Variants in HIBADH observed in about 807,000 individuals in gnomAD.
The protein encoded by HIBADH is 3-hydroxyisobutyrate dehydrogenase.
Under a neutral mutation model 36.1 loss-of-function variants are expected in HIBADH, and 25 were observed. That is an observed-to-expected ratio of 0.69 (90% CI 0.50 to 0.97). HIBADH has a LOEUF of 0.97. Ranked by LOEUF, HIBADH falls within the 50% of genes least tolerant of loss-of-function variation. The probability of loss-of-function intolerance (pLI) is 0.00; values close to 1 mark genes in which losing one functional copy is unlikely to be tolerated. For missense variants in HIBADH, 421 were observed against 418.0 expected (o/e 1.01, Z -0.06); for synonymous variants, 160 against 149.5 (o/e 1.07, Z -0.51).
intron 2 of HIBADH, chr7:27,647,799 G>A: frequency 3.3e-6 from 1 of 304,072 alleles, no homozygotes; most frequent in Non-Finnish European, 7.1e-6. Context: ...AAAAGCAGGA[G>A]AGAGTCACAA....
intron 2 of HIBADH, among the ~76,000 whole-genome samples, chr7:27,632,734 G>C (rs1785769008): frequency 6.6e-6 from 1 of 152,184 alleles, no homozygotes; most frequent in South Asian, 2.1e-4. Flanking sequence ...CCTGGGAACA[G>C]ACACACTTCT....
At chr7:27,556,658 G>C (rs1291135739) in intron 4 of HIBADH, among the ~76,000 whole-genome samples, 1 of 152,130 alleles carries the variant, frequency 6.6e-6, no homozygotes, top group Admixed American at 6.5e-5. Context: ...ATTTATTAAA[G>C]AATTCATTTC....
chr7:27,550,995 AACAC>A (rs1784309721), intron 4 of HIBADH, among the ~76,000 whole-genome samples: 1 of 149,820 alleles, frequency 6.7e-6, no homozygotes, highest in African/African-American at 2.4e-5. Flanking sequence ...CACCACACCA[AACAC>A]ACACATACAC....
intron 6 of HIBADH, among the ~76,000 whole-genome samples, chr7:27,532,729 T>C (rs1784020955): frequency 6.6e-6 from 1 of 152,208 alleles, no homozygotes; most frequent in Non-Finnish European, 1.5e-5. Context: ...TCATTCATTC[T>C]GTTCAACTGT....
At chr7:27,607,450 C>T (rs1785249062) in intron 4 of HIBADH, among the ~76,000 whole-genome samples, 1 of 151,872 alleles carries the variant, frequency 6.6e-6, no homozygotes, top group Non-Finnish European at 1.5e-5. Flanking sequence ...CGGAGGTTGC[C>T]GTGAGCTGAG....
intron 4 of HIBADH, among the ~76,000 whole-genome samples, chr7:27,593,079 A>G (rs894725556): frequency 1.1e-4 from 16 of 152,260 alleles, no homozygotes; most frequent in African/African-American, 3.9e-4. Context: ...CTATGGTTCA[A>G]TGTAACCCTG....
At chr7:27,578,507 G>A (rs974281464) in intron 4 of HIBADH, among the ~76,000 whole-genome samples, 1 of 152,050 alleles carries the variant, frequency 6.6e-6, no homozygotes, top group Non-Finnish European at 1.5e-5. Context: ...AGTAGAGACA[G>A]GGTTTCACCA....
At chr7:27,534,038 T>A (rs1454724825) in intron 6 of HIBADH, among the ~76,000 whole-genome samples, 1 of 152,212 alleles carries the variant, frequency 6.6e-6, no homozygotes, top group Non-Finnish European at 1.5e-5. Flanking sequence ...ATAAACAGAA[T>A]GAATTCATCG....
intron 4 of HIBADH, among the ~76,000 whole-genome samples, chr7:27,602,901 C>G (rs926270033): frequency 6.6e-6 from 1 of 152,030 alleles, no homozygotes; most frequent in Admixed American, 6.6e-5. Context: ...TCTCAACAAC[C>G]TCCATCCATC....
intron 4 of HIBADH, among the ~76,000 whole-genome samples, chr7:27,546,396 G>A (rs977916705): frequency 1.3e-5 from 2 of 152,140 alleles, no homozygotes; most frequent in African/African-American, 4.8e-5. Context: ...TGGGATTACA[G>A]GTATGAGCAC....
In HIBADH at chr7:27,629,364, C is replaced by G. The variant is rs746996518; in HGVS notation, c.484+7G>C. On this transcript the variant is annotated splice_region_variant and intron_variant, in intron 4 of 7. Transcript: ENST00000265395. ...ATAGGTTTGCATATATTTTAGCTAC[C>G]ACTTACCACCAGAAACAGGGGCATC... The G allele has an allele frequency of 6.2e-7, 1 of 1,607,922 alleles. No homozygotes were observed. The highest frequency in any genetic ancestry group is 8.5e-7 in the Non-Finnish European group (1 of 1,177,322).
chr7:27,605,341 T>C (rs552187613), intron 4 of HIBADH, among the ~76,000 whole-genome samples: 3 of 151,836 alleles, frequency 2.0e-5, no homozygotes, highest in Non-Finnish European at 4.4e-5. Flanking sequence ...TTTTAAGACA[T>C]GAACATGAAC....
At chr7:27,633,614 G>C (rs1003502572) in intron 2 of HIBADH, among the ~76,000 whole-genome samples, 5 of 151,968 alleles carry the variant, frequency 3.3e-5, no homozygotes, top group Non-Finnish European at 7.4e-5. Flanking sequence ...AGCTATGATC[G>C]CGCCACCATA....
intron 4 of HIBADH, among the ~76,000 whole-genome samples, chr7:27,562,217 T>C (rs535258581): frequency 6.6e-6 from 1 of 152,210 alleles, no homozygotes; most frequent in South Asian, 2.1e-4. Flanking sequence ...GGTTTGGAAA[T>C]AATATACTTT....
In HIBADH at chr7:27,535,755, CT is replaced by C. The variant is rs201314026; in HGVS notation, c.695+2585del. On this transcript the variant is annotated intron_variant, in intron 6 of 7. Transcript: ENST00000265395. Reference sequence around the variant, plus strand: ...TGTATACCATATTTTTTACTCTTTACTTTTTTTTTTTAACAACATTTAAAAA... The same window carrying C: ...TGTATACCATATTTTTTACTCTTTACTTTTTTTTTTAACAACATTTAAAAA... 1.6e-3 allele frequency among the ~76,000 whole-genome samples: 235 copies of C among 145,304 alleles called. 2 individuals are homozygous for C. Among genetic ancestry groups the C allele is most frequent in the African/African-American group, 3.0e-3 (122 of 40,012 alleles).
chr7:27,543,466 T>G (rs955945392), intron 4 of HIBADH, among the ~76,000 whole-genome samples: 1 of 152,044 alleles, frequency 6.6e-6, no homozygotes, highest in Non-Finnish European at 1.5e-5. Flanking sequence ...AAAAAAAAAG[T>G]TTTACCTGGG....
chr7:27,547,477 T>A (rs1401953496), intron 4 of HIBADH, among the ~76,000 whole-genome samples: 1 of 152,188 alleles, frequency 6.6e-6, no homozygotes, highest in East Asian at 1.9e-4. Context: ...ATGAGGGCAG[T>A]GATTGTTGGC....
chr7:27,630,817 C>T (rs559007841), intron 3 of HIBADH, among the ~76,000 whole-genome samples: 4 of 152,076 alleles, frequency 2.6e-5, no homozygotes, highest in Non-Finnish European at 5.9e-5. Context: ...AATTCAAATG[C>T]AATTGTTGGG....
At chr7:27,577,158 A>C (rs904832369) in intron 4 of HIBADH, among the ~76,000 whole-genome samples, 2 of 118,720 alleles carry the variant, frequency 1.7e-5, no homozygotes, top group African/African-American at 3.4e-5. Flanking sequence ...TCCAAGCATC[A>C]TTTCTCTCTT....
Sources: allele counts gnomAD v4.1 joint callset (sites outside exome capture counted in the v4.1 genomes callset), GRCh38; gene constraint gnomAD v4.1.1; transcripts MANE v1.5; gene names NCBI Gene and HGNC (gene_info 2026-07-23, HGNC 2026-07-21).